Variants in CACNA1C observed in about 807,000 individuals in gnomAD.
The protein encoded by CACNA1C is calcium voltage-gated channel subunit alpha1 C.
A neutral mutation model predicts 229.0 loss-of-function variants in CACNA1C; 30 were observed. That is an observed-to-expected ratio of 0.13 (90% CI 0.10 to 0.18). The LOEUF is 0.18. Ranked by LOEUF, CACNA1C falls within the 10% of genes least tolerant of loss-of-function variation. The pLI, the probability that CACNA1C is intolerant of heterozygous loss-of-function variation, is 1.00. For missense variants in CACNA1C, 1,658 were observed against 2,845.0 expected (o/e 0.58, Z 9.49); for synonymous variants, 1,114 against 1,132.5 (o/e 0.98, Z 0.33).
chr12:2,353,110 G>A (rs532498955), intron 3 of CACNA1C, among the ~76,000 whole-genome samples: 46 of 152,306 alleles, frequency 3.0e-4, no homozygotes, highest in Non-Finnish European at 2.9e-4. Context: ...AATTGGCACC[G>A]AAGCAGGTCA....
rs572622568 is a variant in CACNA1C, at chr12:2,255,130, GACCTTGGGCAAGT to G, written c.477+134701_477+134713del. ...TGGCTTCATGGCTGACCTGCTGTGT[GACCTTGGGCAAGT>G]CAGATTTCCTCTCTGTTTGCCATCT... is the stretch of plus-strand genomic sequence containing the variant. On this transcript the variant is annotated intron_variant, in intron 3 of 46. Transcript: ENST00000399655. 1.9e-3 allele frequency among the ~76,000 whole-genome samples: 288 copies of G among 152,258 alleles called. 2 individuals carry two copies. Among genetic ancestry groups the G allele is most frequent in the African/African-American group, 6.6e-3 (273 of 41,546 alleles).
At chr12:2,069,816 TC>T (rs1219227941) in intron 1 of CACNA1C, among the ~76,000 whole-genome samples, 1 of 151,612 alleles carries the variant, frequency 6.6e-6, no homozygotes, top group African/African-American at 2.4e-5. Context: ...GCTTAAAGAG[TC>T]TTTTCTTTTC....
At chr12:2,082,066 C>T (rs1380279343) in intron 1 of CACNA1C, among the ~76,000 whole-genome samples, 1 of 152,118 alleles carries the variant, frequency 6.6e-6, no homozygotes, top group Non-Finnish European at 1.5e-5. Flanking sequence ...TCAGTGCTGC[C>T]ATCACTGAGG....
rs1000693144 is a variant in CACNA1C at position 2,298,818 on chromosome 12, C to T, written c.478-150158C>T. ...TATCTTTGGACCACAGTGGACCCAT[C>T]GAGGGGCTCTCTGGAGTCCTCCCAG... is the stretch of plus-strand genomic sequence containing the variant. On this transcript the variant is annotated intron_variant, in intron 3 of 46. Transcript: ENST00000399655. 2.6e-5 allele frequency among the ~76,000 whole-genome samples: 4 copies of T among 152,224 alleles called. No homozygotes were observed. The South Asian group carries it at 6.2e-4, about 24-fold the overall frequency.
rs78563698 is a variant in CACNA1C at position 1,996,616 on chromosome 12, TAAAAAAAAAAAAAAAAA to T, written c.139+25438_139+25454del. ...AATACACTAATAATAGCTGATGAGC[TAAAAAAAAAAAAAAAAA>T]AAAAAAAAAAAAAAAAAAAAAACAA... On this transcript the variant is annotated intron_variant, in intron 1 of 46. Transcript: ENST00000682462. Among the ~76,000 whole-genome samples, 130 of 18,836 alleles carry T rather than the reference TAAAAAAAAAAAAAAAAA, an allele frequency of 6.9e-3. 1 individual carries two copies. Among genetic ancestry groups the T allele is most frequent in the Admixed American group, 0.011 (14 of 1,228 alleles). 12.4% of individuals were successfully genotyped at this position (18,836 alleles called of 152,430 possible).
chr12:2,564,540 G>C (rs563280619), intron 11 of CACNA1C, among the ~76,000 whole-genome samples: 1 of 152,088 alleles, frequency 6.6e-6, no homozygotes, highest in Non-Finnish European at 1.5e-5. Context: ...AAGCCCTACA[G>C]GTGCCCCAAA....
Position 2,685,762 on chromosome 12 carries a change from G to A in CACNA1C, c.5600G>A (p.Arg1867Gln), listed in dbSNP as rs535350857. 19 of 1,613,718 alleles carry A rather than the reference G, an allele frequency of 1.2e-5. No individual in the cohort carries two copies. Among genetic ancestry groups the A allele is most frequent in the African/African-American group, 9.3e-5 (7 of 75,024 alleles). The change falls in exon 44 of 47, where the codon CGG becomes CAG. Residue 1867 changes from arginine (R) to glutamine (Q), a missense_variant. Coordinates refer to ENST00000399655, the MANE Select transcript of CACNA1C (RefSeq NM_000719.7). Reference protein sequence around the residue: ...EMLSYQDDENRQLTLPEEDKR... With the variant: ...EMLSYQDDENQQLTLPEEDKR... The stretch of plus-strand genomic sequence containing the variant: ...CTCTCCTACCAGGATGACGAAAATC[G>A]GCAACTGACGCTCCCAGAGGAGGAC...
intron 3 of CACNA1C, among the ~76,000 whole-genome samples, chr12:2,299,148 C>T (rs1248031853): frequency 6.6e-6 from 1 of 152,150 alleles, no homozygotes; most frequent in East Asian, 1.9e-4. Context: ...GTCTTTCATC[C>T]TAAAAAAGAC....
At chr12:2,547,376 C>A (rs1599638069) in intron 9 of CACNA1C, 1 of 750,858 alleles carries the variant, frequency 1.3e-6, no homozygotes, top group East Asian at 2.5e-5. Flanking sequence ...CTTTCTCTTG[C>A]CCGTGGCTGA....
rs1417517318 is a variant in CACNA1C at position 2,226,882 on chromosome 12, C to T, written c.477+106452C>T. Among the ~76,000 whole-genome samples, 5 of 152,206 alleles carry T rather than the reference C, an allele frequency of 3.3e-5. No homozygotes were observed. The South Asian group carries it at 8.3e-4, about 25-fold the overall frequency. Reference sequence around the variant, plus strand: ...AGTGCAAATTCTTTTCTAATGAATGCGCTGGGCAGGCAATAAATCTGAAAG... The same window carrying T: ...AGTGCAAATTCTTTTCTAATGAATGTGCTGGGCAGGCAATAAATCTGAAAG... On this transcript the variant is annotated intron_variant, in intron 3 of 46. Coordinates refer to ENST00000399655, the MANE Select transcript of CACNA1C (RefSeq NM_000719.7).
At chr12:2,528,281 C>T (rs1451230191) in intron 9 of CACNA1C, among the ~76,000 whole-genome samples, 1 of 152,176 alleles carries the variant, frequency 6.6e-6, no homozygotes, top group African/African-American at 2.4e-5. Context: ...GTAAAAGCCC[C>T]TTCCAGCTTT....
intron 18 of CACNA1C, among the ~76,000 whole-genome samples, chr12:2,588,147 T>C (rs1040664351): frequency 6.6e-6 from 1 of 152,204 alleles, no homozygotes; most frequent in African/African-American, 2.4e-5. Context: ...CCTCCGAAGA[T>C]CACGTGGCCT....
chr12:2,230,304 G>T (rs1478048688), intron 3 of CACNA1C, among the ~76,000 whole-genome samples: 1 of 152,198 alleles, frequency 6.6e-6, no homozygotes, highest in East Asian at 1.9e-4. Context: ...CGGCTGAGCC[G>T]CCAGGGCCTG....
intron 37 of CACNA1C, among the ~76,000 whole-genome samples, chr12:2,667,945 C>G (rs971617609): frequency 2.4e-4 from 37 of 152,350 alleles, no homozygotes; most frequent in African/African-American, 8.9e-4. Context: ...GCTGAAGGCC[C>G]CACACCAGAG....
intron 3 of CACNA1C, among the ~76,000 whole-genome samples, chr12:2,415,218 T>C (rs1342362366): frequency 6.6e-6 from 1 of 152,254 alleles, no homozygotes; most frequent in Non-Finnish European, 1.5e-5. Context: ...TATTTTTAAA[T>C]GTTCCTCTCT....
At chr12:2,398,665 G>C (rs572090307) in intron 3 of CACNA1C, among the ~76,000 whole-genome samples, 2 of 152,314 alleles carry the variant, frequency 1.3e-5, no homozygotes, top group East Asian at 3.9e-4. Context: ...GGTCAGAACA[G>C]GGTGGCCTAC....
At chr12:2,353,024 T>C (rs2097252380) in intron 3 of CACNA1C, among the ~76,000 whole-genome samples, 2 of 152,206 alleles carry the variant, frequency 1.3e-5, no homozygotes, top group African/African-American at 4.8e-5. Context: ...TAAGGAATCT[T>C]GTCCTTAAAG....
intron 3 of CACNA1C, among the ~76,000 whole-genome samples, chr12:2,162,327 A>G (rs1247763959): frequency 6.6e-6 from 1 of 151,858 alleles, no homozygotes; most frequent in African/African-American, 2.4e-5. Context: ...CTCTCCAGCC[A>G]TCAGTCCTGC....
rs1014551497 is a variant in CACNA1C, at chr12:2,029,644, G to T, written c.139+58443G>T. ...GCTTTTACGTTGCACTTTGGTTAAA[G>T]AATTTTGTTGCCTTTGTCTCTCACC... On this transcript the variant is annotated intron_variant, in intron 1 of 46. Coordinates refer to the CACNA1C transcript ENST00000682462. This position sits in a 1 kb window ranked among gnomAD's most constrained non-coding sequence, Gnocchi z 4.9. Among the ~76,000 whole-genome samples, 1 of 152,182 alleles carries T rather than the reference G, an allele frequency of 6.6e-6. No homozygotes were observed. Among genetic ancestry groups the T allele is most frequent in the African/African-American group, 2.4e-5 (1 of 41,438 alleles).
Sources: allele counts gnomAD v4.1 joint callset (sites outside exome capture counted in the v4.1 genomes callset), GRCh38; gene constraint gnomAD v4.1.1; non-coding constraint Gnocchi (gnomAD v3.1); transcripts MANE v1.5; gene names NCBI Gene and HGNC (gene_info 2026-07-23, HGNC 2026-07-21).